Variants in ARRDC2 observed in about 807,000 individuals in gnomAD.
The protein encoded by ARRDC2 is arrestin domain-containing protein 2.
Under a neutral mutation model 38.9 loss-of-function variants are expected in ARRDC2, and 39 were observed. The ratio of observed to expected loss-of-function variants is 1.00; its 90% confidence interval spans 0.78 to 1.31. The LOEUF (loss-of-function observed/expected upper bound fraction) is 1.31. ARRDC2 is among the 50% of genes most tolerant of loss of function. ARRDC2 has a pLI of 0.00. For missense variants in ARRDC2, 553 were observed against 588.4 expected, an observed-to-expected ratio of 0.94 and a Z score of 0.62; for synonymous variants, 300 against 261.9, an observed-to-expected ratio of 1.15 and a Z score of -1.41.
chr19:18,008,977 G>C lies in ARRDC2; in HGVS notation c.348G>C (p.Leu116=), dbSNP rs752664056. 2 of 1,613,492 alleles carry C rather than the reference G, an allele frequency of 1.2e-6. No individual in the cohort carries two copies. Among genetic ancestry groups the C allele is most frequent in the African/African-American group, 2.7e-5 (2 of 74,882 alleles). The change falls in exon 3 of 8, where the codon CTG becomes CTC. Residue 116 remains leucine, a synonymous_variant. Transcript: ENST00000222250. The stretch of plus-strand genomic sequence containing the variant: ...TCCCGTCCCTCCACCCTAGGACCCT[G>C]GTGACATCCTTCGAGGGCAAACACG... ...FLFSFQLPPT[L]VTSFEGKHGS... is the part of the protein sequence containing the mutation.
chr19:18,008,471 G>A lies in ARRDC2; in HGVS notation c.161G>A (p.Arg54His). 1 of 1,529,850 alleles carries A rather than the reference G, an allele frequency of 6.5e-7. No individual in the cohort carries two copies. Among genetic ancestry groups the A allele is most frequent in the Non-Finnish European group, 8.7e-7 (1 of 1,145,588 alleles). 94.8% of individuals were successfully genotyped at this position (1,529,850 alleles called of 1,614,324 possible). ...VGALRLRARG[R>H]AHVHWTESRS... ...GCCCTGAGGCTGCGCGCGCGGGGCC[G>A]CGCCCACGTGCACTGGACCGAGTCG... The change falls in exon 1 of 8, where the codon CGC (arginine) becomes CAC (histidine). Residue 54 changes from arginine to histidine, a missense_variant. Arg to His is a conservative substitution (Grantham distance 29, BLOSUM62 0). Around this residue, in one of 3 missense-constraint regions of ARRDC2, gnomAD observed 447 missense variants for 456.6 expected, o/e 0.98. Transcript: ENST00000222250.
exon 1 of ARRDC2, chr19:18,001,428 G>T: frequency 8.1e-7 from 1 of 1,234,106 alleles, no homozygotes; most frequent in South Asian, 3.6e-5. Context: ...CGGCGGCGCC[G>T]CTGCGGGTGC....
chr19:18,003,067 T>C (rs2033208884), intron 1 of ARRDC2, among the ~76,000 whole-genome samples: 1 of 151,096 alleles, frequency 6.6e-6, no homozygotes, highest in African/African-American at 2.4e-5. Flanking sequence ...ACCACTACAC[T>C]CCAGCCTGGG....
chr19:18,011,552 A>G (rs751371417), intron 7 of ARRDC2, among the ~76,000 whole-genome samples: 23 of 152,210 alleles, frequency 1.5e-4, no homozygotes, highest in Non-Finnish European at 3.1e-4. Flanking sequence ...AAATAAATAC[A>G]TACATGGATA....
rs1190167529 is a variant in ARRDC2, at chr19:18,010,671, G to T, written c.1112G>T (p.Gly371Val). The change falls in exon 7 of 8, where the codon GGC (glycine) becomes GTC (valine). Residue 371 changes from glycine (G) to valine (V), a missense_variant. Physicochemically the swap from Gly to Val is moderately radical, Grantham distance 109 (BLOSUM62 -3). Coordinates refer to ENST00000222250, the MANE Select transcript of ARRDC2 (RefSeq NM_015683.2). ...CAGGACCCCGACATGAGCCTTGAAG[G>T]CCCGTTCTTCGCCTACATCCAAGAG... is the stretch of plus-strand genomic sequence containing the variant. ...LPQDPDMSLE[G>V]PFFAYIQEFR... 6.2e-7 allele frequency: 1 copy of T among 1,613,746 alleles called. No homozygotes were observed. The highest frequency in any genetic ancestry group is 8.5e-7 in the Non-Finnish European group (1 of 1,180,030).
rs1189160329 is a variant in ARRDC2, at chr19:18,008,982, C to G, written c.353C>G (p.Thr118Arg). 8 of 1,613,576 alleles carry G rather than the reference C, an allele frequency of 5.0e-6. No homozygotes were observed. Among genetic ancestry groups the G allele is most frequent in the Non-Finnish European group, 6.8e-6 (8 of 1,179,964 alleles). ...TCCCTCCACCCTAGGACCCTGGTGACATCCTTCGAGGGCAAACACGGTAGT... is the reference window on the plus strand; with the variant it reads ...TCCCTCCACCCTAGGACCCTGGTGAGATCCTTCGAGGGCAAACACGGTAGT... ...FSFQLPPTLV[T>R]SFEGKHGSVR... Residue 118 changes from threonine (T) to arginine (R), a missense_variant, in exon 3 of 8, where the codon ACA becomes AGA. Around this residue, in one of 3 missense-constraint regions of ARRDC2, gnomAD observed 447 missense variants for 456.6 expected, o/e 0.98. Transcript: ENST00000222250.
rs1172171084 is a variant in ARRDC2 at position 18,001,329 on chromosome 19, C to G, written c.15C>G (p.Gly5=). The change falls in exon 1 of 8, where the codon GGC becomes GGG. Residue 5 remains glycine (G), a synonymous_variant. Coordinates refer to the ARRDC2 transcript ENST00000379656. ...AGCCGCGCGCCATGCGCTCTGGGGG[C>G]GTGCGCAGCTTCGCGCTGGAGCTGG... 4.2e-6 allele frequency: 5 copies of G among 1,196,354 alleles called. No homozygotes were observed. The African/African-American group carries it at 8.0e-5, about 19-fold the overall frequency. 74.1% of individuals were successfully genotyped at this position (1,196,354 alleles called of 1,614,324 possible).
upstream of ARRDC2, among the ~76,000 whole-genome samples, chr19:18,004,114 C>T (rs1007923943): frequency 4.1e-5 from 6 of 146,438 alleles, no homozygotes; most frequent in East Asian, 9.5e-4. Flanking sequence ...GGCGCAGTGG[C>T]TTATGCCTGT....
exon 1 of ARRDC2, chr19:18,001,170 C>G: frequency 1.1e-6 from 1 of 924,260 alleles, no homozygotes; most frequent in Non-Finnish European, 1.3e-6. Flanking sequence ...CCTGGGCCAC[C>G]GGCGCCGGCC....
At chr19:18,003,610 G>A (rs1027068407), upstream of ARRDC2, among the ~76,000 whole-genome samples, 3 of 151,282 alleles carry the variant, frequency 2.0e-5, no homozygotes, top group South Asian at 2.1e-4. Flanking sequence ...ATAGGTGCCC[G>A]CCAACACGCT....
chr19:18,008,033 T>G, upstream of ARRDC2: 1 of 879,330 alleles, frequency 1.1e-6, no homozygotes, highest in Non-Finnish European at 1.6e-6. Context: ...GGGCGTTTGT[T>G]ATTTTGCTCC....
rs1244299459 is a variant in ARRDC2, at chr19:18,008,371, G to C, written c.61G>C (p.Glu21Gln). ...VQLDGATAGV[E>Q]PVFSGGQAVA... is the part of the protein sequence containing the mutation. ...GTTGGACGGCGCGACCGCGGGCGTC[G>C]AGCCCGTGTTTAGCGGCGGCCAGGC... is the stretch of plus-strand genomic sequence containing the variant. Residue 21 changes from glutamate (E) to glutamine (Q), a missense_variant, in exon 1 of 8, where the codon GAG (glutamate) becomes CAG (glutamine). Glu to Gln is a conservative substitution (Grantham distance 29). Transcript: ENST00000222250. 8.8e-6 allele frequency: 14 copies of C among 1,596,732 alleles called. No homozygotes were observed. Among genetic ancestry groups the C allele is most frequent in the South Asian group, 1.1e-5 (1 of 91,016 alleles).
At chr19:18,004,779 C>G (rs572989899), upstream of ARRDC2, among the ~76,000 whole-genome samples, 1 of 151,124 alleles carries the variant, frequency 6.6e-6, no homozygotes, top group Non-Finnish European at 1.5e-5. Flanking sequence ...GCGGGCAGAT[C>G]GCTTGAGCTC....
chr19:18,001,197 G>A (rs2033177910), exon 1 of ARRDC2: 4 of 1,053,586 alleles, frequency 3.8e-6, no homozygotes, highest in East Asian at 1.1e-4. Flanking sequence ...CGCCGGGGGG[G>A]CCCGGAGGAA....
At position 18,009,001 on chromosome 19, in the gene ARRDC2, C is replaced by T. The variant is rs751130030; in HGVS notation, c.372C>T (p.His124=). Residue 124 remains histidine, a synonymous_variant, in exon 3 of 8, where the codon CAC becomes CAT. Coordinates refer to ENST00000222250, the MANE Select transcript of ARRDC2 (RefSeq NM_015683.2). ...TGGTGACATCCTTCGAGGGCAAACA[C>T]GGTAGTGTCCGCTACTGTATCAAGG... ...PTLVTSFEGK[H]GSVRYCIKAT... is the part of the protein sequence containing the mutation. The T allele has an allele frequency of 2.5e-5, 41 of 1,613,600 alleles. No individual in the cohort carries two copies. In the Admixed American group the frequency reaches 2.8e-4, roughly 11 times the overall value.
In ARRDC2 at chr19:18,013,069, A is replaced by G. The variant is rs1233158254; in HGVS notation, c.*103A>G. 7 of 1,257,388 alleles carry G rather than the reference A, an allele frequency of 5.6e-6. No individual in the cohort carries two copies. Among genetic ancestry groups the G allele is most frequent in the Admixed American group, 4.1e-5 (2 of 49,244 alleles). The allele number at this position is 1,257,388 out of a possible 1,614,324, so 77.9% of individuals were successfully genotyped here. A position where few individuals can be genotyped will look rare whatever the true frequency, so the allele number is the denominator to read the frequency against. On this transcript the variant is annotated 3_prime_UTR_variant, in exon 8 of 8. Transcript: ENST00000222250. ...AGGGCTGACCTCCCCGACTGCATCA[A>G]AGTTGGGGAACCAAGTCTCAGAGTG...
chr19:18,006,089 C>T (rs543336583), upstream of ARRDC2, among the ~76,000 whole-genome samples: 7 of 150,922 alleles, frequency 4.6e-5, no homozygotes, highest in East Asian at 1.2e-3. Flanking sequence ...AAGAGGCGCT[C>T]CTCACTTCCT....
intron 1 of ARRDC2, among the ~76,000 whole-genome samples, chr19:18,002,728 C>T (rs1420113333): frequency 1.3e-5 from 2 of 152,194 alleles, no homozygotes; most frequent in Non-Finnish European, 2.9e-5. Context: ...AGGCACTTCC[C>T]TTCCCCGGCG....
At chr19:18,004,436 G>A (rs539710038), upstream of ARRDC2, among the ~76,000 whole-genome samples, 20 of 148,954 alleles carry the variant, frequency 1.3e-4, no homozygotes, top group African/African-American at 4.7e-4. Context: ...TAGTAGAGAC[G>A]GGGTGTCTCC....
Sources: gnomAD v4.1 joint callset for allele counts (sites outside exome capture counted in the v4.1 genomes callset) on GRCh38, gnomAD v4.1.1 for gene constraint, gnomAD v4.1.1 regional missense constraint, MANE v1.5 for transcripts, NCBI Gene and HGNC (gene_info 2026-07-23, HGNC 2026-07-21) for gene names.